The following COL6A5 variants were observed in gnomAD, a reference collection of about 807,000 sequenced individuals.
The protein encoded by COL6A5 is collagen alpha-5(VI) chain.
Under a neutral mutation model 65.6 loss-of-function variants are expected in COL6A5, and 48 were observed. The ratio of observed to expected loss-of-function variants is 0.73; its 90% CI spans 0.58 to 0.93. The LOEUF (loss-of-function observed/expected upper bound fraction) is 0.93. Among genes scored for constraint, COL6A5 ranks in the 40% least tolerant of loss-of-function variants. The pLI, the probability that COL6A5 is intolerant of heterozygous loss-of-function variation, is 0.00. For synonymous variants in COL6A5, 291 were observed against 322.8 expected (o/e 0.90, Z 1.05); for missense variants, 914 against 928.3 (o/e 0.98, Z 0.20).
At chr3:130,405,999 A>C in exon 15 of COL6A5, 1 of 1,551,494 alleles carries the variant, frequency 6.4e-7, no homozygotes, top group Non-Finnish European at 8.7e-7. Context: ...GCAGGGACTC[A>C]AAGGATTTTC....
At chr3:130,406,387 G>A (rs1936995141) in intron 17 of COL6A5, 66 bp downstream of exon 17, 1 of 1,250,562 alleles carries the variant, frequency 8.0e-7, no homozygotes, top group African/African-American at 1.5e-5. Context: ...CTTAACTGCT[G>A]TGTGTCAGTG....
rs945515138 is a variant in COL6A5, at chr3:130,414,026, C to T, written c.4699-43C>T. On this transcript the variant is annotated intron_variant and NMD_transcript_variant, in intron 21 of 41. Transcript: ENST00000312481. Reference sequence around the variant, plus strand: ...TATGAAAAGAAAATCTATATGGAAACAACGTGTAGAAATGCTTGACACTGG... The same window carrying T: ...TATGAAAAGAAAATCTATATGGAAATAACGTGTAGAAATGCTTGACACTGG... 5.7e-6 allele frequency: 8 copies of T among 1,410,454 alleles called. No individual in the cohort carries two copies. In the African/African-American group the frequency reaches 1.1e-4, roughly 20 times the overall value. 87.4% of individuals were successfully genotyped at this position (1,410,454 alleles called of 1,614,324 possible).
chr3:130,439,888 A>G (rs1446127187), intron 2 of COL6A5, among the ~76,000 whole-genome samples: 1 of 152,144 alleles, frequency 6.6e-6, no homozygotes, highest in Non-Finnish European at 1.5e-5. Flanking sequence ...AAAATATCAA[A>G]AATATTTCCT....
At chr3:130,385,766 T>G (rs907624679) in intron 5 of COL6A5, among the ~76,000 whole-genome samples, 2 of 152,008 alleles carry the variant, frequency 1.3e-5, no homozygotes, top group African/African-American at 2.4e-5. Flanking sequence ...AAAATGGACT[T>G]TGGCTCTAGA....
chr3:130,376,283 C>T (rs369620303), exon 3 of COL6A5: 62 of 1,612,132 alleles, frequency 3.8e-5, no homozygotes, highest in African/African-American at 8.0e-5. Flanking sequence ...TGGACAGCTC[C>T]GATCACCTGG....
intron 7 of COL6A5, chr3:130,471,703 A>G: frequency 2.0e-6 from 3 of 1,534,816 alleles, no homozygotes; most frequent in Non-Finnish European, 2.6e-6. Context: ...GGATATATGA[A>G]ATAAAGACAG....
At chr3:130,455,762 T>A in intron 5 of COL6A5, 96 bp downstream of exon 37, 1 of 958,956 alleles carries the variant, frequency 1.0e-6, no homozygotes, top group Non-Finnish European at 1.6e-6. Flanking sequence ...GGCTGGTATC[T>A]AAAGCAACTT....
At chr3:130,429,863 G>A (rs1293057459), upstream of COL6A5, among the ~76,000 whole-genome samples, 1 of 152,120 alleles carries the variant, frequency 6.6e-6, no homozygotes, top group Admixed American at 6.5e-5. Flanking sequence ...AGTAAACATG[G>A]CTCTCTGACT....
intron 2 of COL6A5, 83 bp downstream of exon 2, chr3:130,373,788 T>C: frequency 1.1e-6 from 1 of 875,986 alleles, no homozygotes; most frequent in Non-Finnish European, 1.8e-6. Flanking sequence ...AGAAATAATT[T>C]ATTTACTAAA....
At chr3:130,468,463 C>T (rs945069076) in intron 5 of COL6A5, among the ~76,000 whole-genome samples, 35 of 151,970 alleles carry the variant, frequency 2.3e-4, no homozygotes, top group African/African-American at 7.7e-4. Flanking sequence ...GTTTTTTAGC[C>T]ATGTGGAGTA....
At chr3:130,462,131 A>G (rs1035156951) in intron 5 of COL6A5, among the ~76,000 whole-genome samples, 1 of 152,094 alleles carries the variant, frequency 6.6e-6, no homozygotes, top group Non-Finnish European at 1.5e-5. Context: ...ATGTGTCTAT[A>G]TTTCCCTTAG....
upstream of COL6A5, among the ~76,000 whole-genome samples, chr3:130,427,123 A>C (rs1577498778): frequency 6.6e-6 from 1 of 152,308 alleles, no homozygotes; most frequent in African/African-American, 2.4e-5. Flanking sequence ...AGTTTTTATG[A>C]AGACAATCAA....
intron 22 of COL6A5, among the ~76,000 whole-genome samples, chr3:130,415,424 A>G (rs1353827119): frequency 6.6e-6 from 1 of 152,046 alleles, no homozygotes; most frequent in Non-Finnish European, 1.5e-5. Flanking sequence ...TAGAAGAGGG[A>G]TGAAGGTCTT....
chr3:130,456,817 C>T (rs923684629), intron 5 of COL6A5, among the ~76,000 whole-genome samples: 13 of 152,020 alleles, frequency 8.6e-5, no homozygotes, highest in African/African-American at 2.4e-4. Context: ...TAGTAGCTTC[C>T]TGGGATAAAA....
At chr3:130,379,422 C>T (rs1352603407) in exon 4 of COL6A5, 1 of 1,550,200 alleles carries the variant, frequency 6.5e-7, no homozygotes, top group East Asian at 2.4e-5. Flanking sequence ...GCATAGTTCA[C>T]TTCCCCATAT....
At chr3:130,477,201 GAA>G (rs1473620683) in intron 7 of COL6A5, 1 of 775,294 alleles carries the variant, frequency 1.3e-6, no homozygotes, top group East Asian at 2.7e-5. Context: ...CTGAGTTGTT[GAA>G]AAGTTGAAGA....
At chr3:130,394,714 T>G (rs2107656613) in intron 7 of COL6A5, among the ~76,000 whole-genome samples, 176 bp from the exon 8 acceptor site, 1 of 152,322 alleles carries the variant, frequency 6.6e-6, no homozygotes, top group Non-Finnish European at 1.5e-5. Context: ...TTATCTTTCC[T>G]CCTCTTGCTA....
At chr3:130,424,961 A>C (rs747820509) in intron 29 of COL6A5, among the ~76,000 whole-genome samples, 1 of 152,074 alleles carries the variant, frequency 6.6e-6, no homozygotes, top group Non-Finnish European at 1.5e-5. Context: ...CCTCTGCTTA[A>C]GAACTTGTTC....
At chr3:130,479,593 A>C (rs1412939360) in intron 7 of COL6A5, among the ~76,000 whole-genome samples, 1 of 152,128 alleles carries the variant, frequency 6.6e-6, no homozygotes, top group Non-Finnish European at 1.5e-5. Context: ...AGACTCTTTC[A>C]AAGGCAGAGC....
Sources: gnomAD v4.1 joint callset for allele counts (sites outside exome capture counted in the v4.1 genomes callset) on GRCh38, gnomAD v4.1.1 for gene constraint, MANE v1.5 for transcripts, NCBI Gene and HGNC (gene_info 2026-07-23, HGNC 2026-07-21) for gene names.